The following SYT1 variants were observed in gnomAD, a reference collection of about 807,000 sequenced individuals.
SYT1 encodes the protein synaptotagmin 1.
In SYT1, 8 loss-of-function variants were observed where a neutral mutation model predicts 44.8. The ratio of observed to expected loss-of-function variants is 0.18; its 90% CI spans 0.10 to 0.32. The LOEUF is 0.32. Ranked by LOEUF, SYT1 falls within the 10% of genes least tolerant of loss-of-function variation. SYT1 has a pLI of 1.00. For synonymous variants in SYT1, 154 were observed against 188.8 expected (o/e 0.82, Z 1.51); for missense variants, 286 against 509.3 (o/e 0.56, Z 4.22).
chr12:79,045,772 G>A (rs1421533634), intron 2 of SYT1: 1 of 152,262 alleles, frequency 6.6e-6, no homozygotes, highest in Non-Finnish European at 1.5e-5. Flanking sequence ...TGGCTCGTAA[G>A]TCAAAAACAC....
chr12:79,229,616 CAG>C (rs1444851574), intron 4 of SYT1, among the ~76,000 whole-genome samples: 1 of 149,262 alleles, frequency 6.7e-6, no homozygotes, highest in Non-Finnish European at 1.5e-5. Context: ...TTTTTTTAGA[CAG>C]AGTTTTGCTT....
At chr12:79,346,859 A>T (rs1370393115) in intron 8 of SYT1, among the ~76,000 whole-genome samples, 2 of 152,174 alleles carry the variant, frequency 1.3e-5, no homozygotes, top group Admixed American at 1.3e-4. Context: ...AGGCATAGAA[A>T]AGTAGTATAT....
intron 1 of SYT1, among the ~76,000 whole-genome samples, chr12:78,910,029 C>G (rs1218588986): frequency 6.6e-6 from 1 of 151,934 alleles, no homozygotes; most frequent in Non-Finnish European, 1.5e-5. Context: ...ATTATCAGCC[C>G]CCAACCCTGT....
intron 3 of SYT1, among the ~76,000 whole-genome samples, chr12:79,160,281 G>C (rs1035192791): frequency 2.0e-5 from 3 of 152,070 alleles, no homozygotes; most frequent in African/African-American, 4.8e-5. Flanking sequence ...ATATAAGTAG[G>C]ACTTACATGT....
intron 4 of SYT1, among the ~76,000 whole-genome samples, chr12:79,254,154 A>G (rs925100438): frequency 5.3e-5 from 8 of 152,208 alleles, no homozygotes; most frequent in Non-Finnish European, 8.8e-5. Context: ...TAGGACTTTC[A>G]TAGCTAGAGA....
At chr12:79,222,518 A>C (rs1214178618) in intron 4 of SYT1, among the ~76,000 whole-genome samples, 1 of 151,982 alleles carries the variant, frequency 6.6e-6, no homozygotes, top group Admixed American at 6.6e-5. Flanking sequence ...AGTAGCTAGG[A>C]TTACAGGTGT....
chr12:79,041,135 A>C (rs1206792059), intron 2 of SYT1, among the ~76,000 whole-genome samples: 4 of 151,276 alleles, frequency 2.6e-5, no homozygotes, highest in Non-Finnish European at 4.4e-5. Context: ...ATGAACTTTA[A>C]AGTAGTTTTT....
At chr12:79,005,863 A>G (rs1234343069) in intron 2 of SYT1, among the ~76,000 whole-genome samples, 2 of 152,098 alleles carry the variant, frequency 1.3e-5, no homozygotes, top group African/African-American at 2.4e-5. Context: ...CTAAACTCAC[A>G]TTTTCAAATT....
intron 2 of SYT1, among the ~76,000 whole-genome samples, chr12:78,987,864 A>G (rs1289071097): frequency 6.6e-6 from 1 of 152,082 alleles, no homozygotes; most frequent in Non-Finnish European, 1.5e-5. Flanking sequence ...TCAAAACTAG[A>G]CAAAGGTAAT....
chr12:79,086,789 T>C (rs1316870392), intron 3 of SYT1, among the ~76,000 whole-genome samples: 1 of 152,186 alleles, frequency 6.6e-6, no homozygotes, highest in Non-Finnish European at 1.5e-5. Flanking sequence ...TGTGGGGTTT[T>C]CTCCCAAGGC....
intron 1 of SYT1, among the ~76,000 whole-genome samples, chr12:78,867,924 A>G (rs1046907706): frequency 2.4e-4 from 36 of 151,970 alleles, no homozygotes; most frequent in African/African-American, 6.8e-4. Flanking sequence ...AATAAAATGT[A>G]GAATATGTTA....
chr12:79,180,911 T>A (rs568830378), intron 3 of SYT1, among the ~76,000 whole-genome samples: 1 of 152,148 alleles, frequency 6.6e-6, no homozygotes, highest in East Asian at 1.9e-4. Context: ...AACTGAATCA[T>A]GGGGGCAGTT....
At chr12:79,147,282 T>G (rs939940559) in intron 3 of SYT1, among the ~76,000 whole-genome samples, 9 of 152,222 alleles carry the variant, frequency 5.9e-5, no homozygotes, top group African/African-American at 1.9e-4. Flanking sequence ...AATATAATAT[T>G]TATTCTTAGC....
intron 9 of SYT1, among the ~76,000 whole-genome samples, chr12:79,427,821 AC>A (rs1172806550): frequency 6.6e-6 from 1 of 152,088 alleles, no homozygotes; most frequent in Non-Finnish European, 1.5e-5. Context: ...GAGAGAAGAA[AC>A]TGGAGAGGTA....
intron 9 of SYT1, among the ~76,000 whole-genome samples, chr12:79,382,850 A>G (rs1214802574): frequency 1.3e-5 from 2 of 152,234 alleles, no homozygotes; most frequent in Non-Finnish European, 2.9e-5. Flanking sequence ...ATTACTAAAC[A>G]AACTCAAATA....
intron 2 of SYT1, among the ~76,000 whole-genome samples, chr12:78,982,490 C>T (rs962033454): frequency 1.3e-5 from 2 of 152,120 alleles, no homozygotes; most frequent in Admixed American, 6.6e-5. Flanking sequence ...TCAAGCACCC[C>T]TCCTTTCCGT....
chr12:79,269,773 A>C lies in SYT1; in HGVS notation c.167-16014A>C, dbSNP rs74666554. On this transcript the variant is annotated intron_variant, in intron 4 of 10. Transcript: ENST00000261205. ...GAGTCCACAACTTTTATCATATTTT[A>C]AACTGGACATATGATTCAAAAAAGG... Among the ~76,000 whole-genome samples the C allele has an allele frequency of 2.0e-5, 3 of 152,210 alleles. No homozygotes were observed. In the South Asian group the frequency reaches 6.2e-4, roughly 32 times the overall value.
chr12:79,222,667 G>C (rs1875246307), intron 4 of SYT1, among the ~76,000 whole-genome samples: 1 of 152,292 alleles, frequency 6.6e-6, no homozygotes, highest in East Asian at 1.9e-4. Context: ...CCAGGCGTGA[G>C]CCACTGCACC....
intron 3 of SYT1, among the ~76,000 whole-genome samples, chr12:79,118,707 C>T (rs183893881): frequency 8.3e-4 from 126 of 152,294 alleles, no homozygotes; most frequent in Non-Finnish European, 5.7e-4. Context: ...CTGAGTTTTA[C>T]AGGTGTTAAG....
Sources: gnomAD v4.1 joint callset for allele counts (sites outside exome capture counted in the v4.1 genomes callset) on GRCh38, gnomAD v4.1.1 for gene constraint, MANE v1.5 for transcripts, NCBI Gene and HGNC (gene_info 2026-07-23, HGNC 2026-07-21) for gene names.